The following CHRDL1 variants were observed in gnomAD, a reference collection of about 807,000 sequenced individuals.
CHRDL1 encodes chordin-like protein 1.
A neutral mutation model predicts 40.9 loss-of-function variants in CHRDL1; 19 were observed. The observed-to-expected ratio is 0.46, with a 90% CI of 0.32 to 0.68. CHRDL1 has a LOEUF of 0.68. Ranked by LOEUF, CHRDL1 falls within the 30% of genes least tolerant of loss-of-function variation. CHRDL1 has a pLI of 0.03. For synonymous variants in CHRDL1, 136 were observed against 123.4 expected (o/e 1.10, Z -0.68); for missense variants, 329 against 352.1 (o/e 0.93, Z 0.53).
chrX:110,756,545 T>C (rs188114018), intron 4 of CHRDL1, among the ~76,000 whole-genome samples: 2 of 111,309 alleles, frequency 1.8e-5, no homozygotes, highest in Non-Finnish European at 3.8e-5. Flanking sequence ...AGACTAGTAG[T>C]GCACAAGAAA....
At chrX:110,701,806 C>A (rs1487024352) in intron 6 of CHRDL1, among the ~76,000 whole-genome samples, 5 of 111,136 alleles carry the variant, frequency 4.5e-5, no homozygotes, top group African/African-American at 1.6e-4. Flanking sequence ...AGAGCCAGAC[C>A]CTGTCACACA....
chrX:110,688,660 G>T lies in CHRDL1; in HGVS notation c.922C>A (p.Pro308Thr), dbSNP rs1416012337. 1.7e-6 allele frequency: 2 copies of T among 1,206,562 alleles called. No homozygotes were observed. Among genetic ancestry groups the T allele is most frequent in the Non-Finnish European group, 2.2e-6 (2 of 893,649 alleles). The change falls in exon 9 of 12, where the codon CCC becomes ACC. Residue 308 changes from proline to threonine, a missense_variant. By Grantham distance (38) the Pro-to-Thr change is conservative (BLOSUM62 -1). Transcript: ENST00000372042. ...CKKIHCPNRY[P>T]CKYPQKIDGK... ...TCTATTTTTTGAGGATACTTGCAGG[G>T]GTATCGATTGGGGCAGTGGATTTTC...
At chrX:110,763,076 G>A (rs779993147) in intron 2 of CHRDL1, among the ~76,000 whole-genome samples, 2 of 111,330 alleles carry the variant, frequency 1.8e-5, no homozygotes, top group South Asian at 7.8e-4. Context: ...AAGCTGAGAT[G>A]GAACTCAAAC....
At chrX:110,732,562 C>G (rs1183864425) in intron 4 of CHRDL1, among the ~76,000 whole-genome samples, 6 of 111,929 alleles carry the variant, frequency 5.4e-5, no homozygotes, top group Non-Finnish European at 1.1e-4. Context: ...AATCCCAGCT[C>G]TCCCCCTCCT....
intron 2 of CHRDL1, among the ~76,000 whole-genome samples, chrX:110,763,501 C>CAT (rs1487631964): frequency 5.6e-5 from 6 of 107,355 alleles, no homozygotes; most frequent in East Asian, 2.9e-4. Context: ...TACACACACA[C>CAT]ATATATATAT....
chrX:110,769,267 C>T (rs937720736), intron 2 of CHRDL1, among the ~76,000 whole-genome samples: 1 of 112,188 alleles, frequency 8.9e-6, no homozygotes, highest in Non-Finnish European at 1.9e-5. Flanking sequence ...TTTCATCATA[C>T]TAGCTCAAAA....
At chrX:110,688,449 A>G in intron 9 of CHRDL1, 145 bp downstream of exon 9, 1 of 475,558 alleles carries the variant, frequency 2.1e-6, no homozygotes, top group Non-Finnish European at 3.6e-6. Flanking sequence ...CAGTCTTTCA[A>G]GAGAAGAGAG....
intron 4 of CHRDL1, among the ~76,000 whole-genome samples, chrX:110,733,141 A>C (rs1445913843): frequency 8.9e-6 from 1 of 111,884 alleles, no homozygotes; most frequent in Non-Finnish European, 1.9e-5. Flanking sequence ...TACATCCCAT[A>C]GAAGTTAGAA....
chrX:110,721,406 T>A lies in CHRDL1; in HGVS notation c.426A>T (p.Gln142His). Residue 142 changes from glutamine to histidine, a missense_variant, in exon 5 of 12, where the codon CAA becomes CAT. Coordinates refer to ENST00000372042, the MANE Select transcript of CHRDL1 (RefSeq NM_001143981.2). ...TTACCGAACAGCTGCACTGGGTGCATTGATTGGGTTGCCGATTCTGAAAGA... is the reference window on the plus strand; with the variant it reads ...TTACCGAACAGCTGCACTGGGTGCAATGATTGGGTTGCCGATTCTGAAAGA... The part of the protein sequence containing the change: ...EGLFQNRQPN[Q>H]CTQCSCSEGN... 8.3e-7 allele frequency: 1 copy of A among 1,210,891 alleles called. No individual in the cohort carries two copies. The highest frequency in any genetic ancestry group is 1.1e-6 in the Non-Finnish European group (1 of 894,576).
chrX:110,776,927 A>T (rs771075437), intron 2 of CHRDL1, among the ~76,000 whole-genome samples: 43 of 111,328 alleles, frequency 3.9e-4, no homozygotes, highest in African/African-American at 1.3e-3. Flanking sequence ...ATATATAATG[A>T]CATGTATCCA....
intron 11 of CHRDL1, among the ~76,000 whole-genome samples, chrX:110,678,313 T>C (rs1603103287): frequency 8.9e-6 from 1 of 111,910 alleles, no homozygotes; most frequent in Non-Finnish European, 1.9e-5. Context: ...TCTATGCTAT[T>C]TGCAGCAACT....
chrX:110,680,256 A>G (rs1162738030), intron 10 of CHRDL1, among the ~76,000 whole-genome samples: 3 of 111,906 alleles, frequency 2.7e-5, no homozygotes, highest in Non-Finnish European at 5.6e-5. Flanking sequence ...TAGTGGGCCC[A>G]CTGCTGGGGA....
intron 6 of CHRDL1, among the ~76,000 whole-genome samples, chrX:110,704,395 T>C (rs910446898): frequency 8.9e-6 from 1 of 111,954 alleles, no homozygotes; most frequent in East Asian, 2.8e-4. Flanking sequence ...GGGGTTCCTA[T>C]GATAAAACTG....
intron 2 of CHRDL1, among the ~76,000 whole-genome samples, chrX:110,773,664 C>A (rs1414378806): frequency 3.0e-5 from 3 of 99,719 alleles, no homozygotes; most frequent in African/African-American, 1.1e-4. Context: ...GGAGGTGGAG[C>A]TTGCAGTGAG....
At chrX:110,738,610 C>T (rs1222332848) in intron 4 of CHRDL1, among the ~76,000 whole-genome samples, 4 of 109,238 alleles carry the variant, frequency 3.7e-5, no homozygotes, top group African/African-American at 6.7e-5. Context: ...GGCGTGGTGG[C>T]GGGCGCCTGT....
intron 6 of CHRDL1, among the ~76,000 whole-genome samples, chrX:110,714,271 A>G (rs1051687599): frequency 4.0e-4 from 44 of 109,536 alleles, no homozygotes; most frequent in Non-Finnish European, 6.5e-4. Context: ...GTATTTGGGG[A>G]AAAAAAAAGA....
chrX:110,792,724 C>T (rs2090123440), intron 1 of CHRDL1, among the ~76,000 whole-genome samples: 1 of 111,887 alleles, frequency 8.9e-6, no homozygotes, highest in Non-Finnish European at 1.9e-5. Flanking sequence ...ATGAGATCTA[C>T]AAGGATCTTT....
At position 110,695,044 on chromosome X, in the gene CHRDL1, T is replaced by G. The variant is rs146508458; in HGVS notation, c.610-713A>C. Among the ~76,000 whole-genome samples the G allele has an allele frequency of 3.8e-4, 42 of 110,112 alleles. No homozygotes were observed. In the East Asian group the frequency reaches 0.011, roughly 30 times the overall value. On this transcript the variant is annotated intron_variant, in intron 7 of 11. Transcript: ENST00000372042. ...CTTTGAGGGATTTTTTTTTTTAAAG[T>G]TAGAGAAATAATGTAATCAGAACTG...
At position 110,700,296 on chromosome X, in the gene CHRDL1, G is replaced by A. The variant is rs376029942; in HGVS notation, c.609+358C>T. ...ACCTACCAAATCCCACCAAAAAGAT[G>A]GTTGTATCCTACAACCCTACAGAAG... On this transcript the variant is annotated intron_variant, in intron 7 of 11. Coordinates refer to ENST00000372042, the MANE Select transcript of CHRDL1 (RefSeq NM_001143981.2). Among the ~76,000 whole-genome samples, 147 of 111,340 alleles carry A rather than the reference G, an allele frequency of 1.3e-3. 3 individuals are homozygous for A. The highest frequency in any genetic ancestry group is 4.6e-3 in the African/African-American group (141 of 30,635).
Sources: allele counts gnomAD v4.1 joint callset (sites outside exome capture counted in the v4.1 genomes callset), GRCh38; gene constraint gnomAD v4.1.1; transcripts MANE v1.5; gene names NCBI Gene and HGNC (gene_info 2026-07-23, HGNC 2026-07-21).